Variants in NAGLU observed in about 807,000 individuals in gnomAD.
The protein encoded by NAGLU is alpha-N-acetylglucosaminidase.
Under a neutral mutation model 43.4 loss-of-function variants are expected in NAGLU, and 34 were observed. The ratio of observed to expected loss-of-function variants is 0.78; its 90% CI spans 0.60 to 1.04. The LOEUF is 1.04. Ranked by LOEUF, NAGLU falls within the 50% of genes least tolerant of loss-of-function variation. The probability of loss-of-function intolerance (pLI) is 0.00; values close to 1 mark genes in which losing one functional copy is unlikely to be tolerated. For missense variants in NAGLU, 910 were observed against 993.7 expected, an observed-to-expected ratio of 0.92 and a Z score of 1.13; for synonymous variants, 425 against 437.6, an observed-to-expected ratio of 0.97 and a Z score of 0.36.
At position 42,536,557 on chromosome 17, in the gene NAGLU, C is replaced by G; in HGVS notation, c.285C>G (p.Asp95Glu). The G allele has an allele frequency of 6.8e-7, 1 of 1,477,064 alleles. No homozygotes were observed. Among genetic ancestry groups the G allele is most frequent in the South Asian group, 1.3e-5 (1 of 77,358 alleles). The allele number at this position is 1,477,064 out of a possible 1,614,324, so 91.5% of individuals were successfully genotyped here. The change falls in exon 1 of 6, where the codon GAC (aspartate) becomes GAG (glutamate). Residue 95 changes from aspartate (D) to glutamate (E), a missense_variant. By Grantham distance (45) the Asp-to-Glu change is conservative. Transcript: ENST00000225927. ...CGGGGCTGCACCGCTACCTGCGCGA[C>G]TTCTGTGGCTGCCACGTGGCCTGGT... ...AAAGLHRYLR[D>E]FCGCHVAWSG...
In NAGLU at chr17:42,536,616, C is replaced by T. The variant is rs1379877908; in HGVS notation, c.344C>T (p.Pro115Leu). 1 of 1,496,052 alleles carries T rather than the reference C, an allele frequency of 6.7e-7. No individual in the cohort carries two copies. Among genetic ancestry groups the T allele is most frequent in the South Asian group, 1.3e-5 (1 of 79,774 alleles). The allele number at this position is 1,496,052 out of a possible 1,614,324, so 92.7% of individuals were successfully genotyped here. ...GSQLRLPRPL[P>L]AVPGELTEAT... ...CAGCTGCGCCTGCCGCGGCCACTGCCAGCCGTGCCGGGGGAGCTGACCGAG... is the reference window on the plus strand; with the variant it reads ...CAGCTGCGCCTGCCGCGGCCACTGCTAGCCGTGCCGGGGGAGCTGACCGAG... The change falls in exon 1 of 6, where the codon CCA (proline) becomes CTA (leucine). Residue 115 changes from proline to leucine, a missense_variant. Transcript: ENST00000225927.
intron 4 of NAGLU, among the ~76,000 whole-genome samples, chr17:42,539,079 G>A (rs561628210): frequency 6.7e-4 from 102 of 152,288 alleles, no homozygotes; most frequent in African/African-American, 1.8e-3. Context: ...TCAAGATCAC[G>A]CCATTGCACT....
In NAGLU at chr17:42,543,986, C is replaced by A. The variant is rs981984204; in HGVS notation, c.1980C>A (p.Asn660Lys). 5.0e-6 allele frequency: 8 copies of A among 1,610,938 alleles called. No homozygotes were observed. The highest frequency in any genetic ancestry group is 6.8e-6 in the Non-Finnish European group (8 of 1,178,580). ...AAGGCAACATCCTGGACTATGCCAA[C>A]AAGCAGCTGGCGGGGTTGGTGGCCA... ...GPEGNILDYA[N>K]KQLAGLVANY... The change falls in exon 6 of 6, where the codon AAC (asparagine) becomes AAA (lysine). Residue 660 changes from asparagine to lysine, a missense_variant. Transcript: ENST00000225927.
chr17:42,542,885 ATG>A, intron 5 of NAGLU, 141 bp from the exon 6 acceptor site: 1 of 1,255,910 alleles, frequency 8.0e-7, no homozygotes, highest in Non-Finnish European at 1.1e-6. Context: ...AGGGACGCGT[ATG>A]TGCCACAGAG....
intron 5 of NAGLU, 24 bp from the exon 6 acceptor site, chr17:42,543,004 G>T: frequency 6.3e-7 from 1 of 1,598,836 alleles, no homozygotes; most frequent in Non-Finnish European, 8.5e-7. Flanking sequence ...CCTCTTCTCT[G>T]TTCCCCCTAC....
Position 42,543,805 on chromosome 17 carries a change from A to G in NAGLU, c.1799A>G (p.Tyr600Cys), listed in dbSNP as rs2092929171. The G allele has an allele frequency of 2.5e-6, 4 of 1,607,654 alleles. No homozygotes were observed. The highest frequency in any genetic ancestry group is 3.4e-6 in the Non-Finnish European group (4 of 1,177,724). The part of the protein sequence containing the change: ...SLLRAGGVLA[Y>C]ELLPALDEVL... ...TTGAGGGCTGGAGGCGTCCTGGCCT[A>G]TGAGCTGCTGCCGGCACTGGACGAG... The change falls in exon 6 of 6, where the codon TAT (tyrosine) becomes TGT (cysteine). Residue 600 changes from tyrosine to cysteine, a missense_variant. Tyr to Cys is a radical substitution (Grantham distance 194). Coordinates refer to ENST00000225927, the MANE Select transcript of NAGLU (RefSeq NM_000263.4).
chr17:42,543,985 A>G lies in NAGLU; in HGVS notation c.1979A>G (p.Asn660Ser). 6.2e-7 allele frequency: 1 copy of G among 1,610,982 alleles called. No homozygotes were observed. The highest frequency in any genetic ancestry group is 8.5e-7 in the Non-Finnish European group (1 of 1,178,622). ...GPEGNILDYA[N>S]KQLAGLVANY... ...GAAGGCAACATCCTGGACTATGCCA[A>G]CAAGCAGCTGGCGGGGTTGGTGGCC... The change falls in exon 6 of 6, where the codon AAC (asparagine) becomes AGC (serine). Residue 660 changes from asparagine to serine, a missense_variant. Transcript: ENST00000225927.
chr17:42,538,559 C>T lies in NAGLU; in HGVS notation c.678+74C>T, dbSNP rs991786955. 1.7e-5 allele frequency: 27 copies of T among 1,612,746 alleles called. No homozygotes were observed. The South Asian group carries it at 2.3e-4, about 14-fold the overall frequency. ...GGGCCCAGGAAGGGTGGTATTAGGC[C>T]GGCCCCAGGGCTCTTAACTGAGGCG... On this transcript the variant is annotated intron_variant, in intron 3 of 5. Transcript: ENST00000225927.
chr17:42,537,290 C>T (rs548451529), intron 1 of NAGLU, 108 bp from the exon 2 acceptor site: 1 of 1,558,590 alleles, frequency 6.4e-7, no homozygotes, highest in East Asian at 2.3e-5. Context: ...GCAGAAGGGC[C>T]GAGTTTGGAG....
chr17:42,537,585 G>C lies in NAGLU; in HGVS notation c.531+40G>C. ...TCCCTTCCCCACCCTCCTCTATGGC[G>C]GGAGCCACCGTAGGTGTTTTCACCC... On this transcript the variant is annotated intron_variant, in intron 2 of 5. Coordinates refer to ENST00000225927, the MANE Select transcript of NAGLU (RefSeq NM_000263.4). 3.7e-6 allele frequency: 6 copies of C among 1,609,482 alleles called. No individual in the cohort carries two copies. The African/African-American group carries it at 6.7e-5, about 18-fold the overall frequency.
chr17:42,538,400 T>A lies in NAGLU; in HGVS notation c.593T>A (p.Phe198Tyr), dbSNP rs752264680. 52 of 1,614,118 alleles carry A rather than the reference T, an allele frequency of 3.2e-5. No homozygotes were observed. Among genetic ancestry groups the A allele is most frequent in the Admixed American group, 6.7e-5 (4 of 60,016 alleles). Residue 198 changes from phenylalanine (F) to tyrosine (Y), a missense_variant, in exon 3 of 6, where the codon TTC (phenylalanine) becomes TAC (tyrosine). Transcript: ENST00000225927. ...EINEFFTGPA[F>Y]LAWGRMGNLH... The stretch of plus-strand genomic sequence containing the variant: ...AATGAGTTCTTTACTGGTCCTGCCT[T>A]CCTGGCCTGGGGGCGAATGGGCAAC...
Position 42,543,777 on chromosome 17 carries a change from C to T in NAGLU, c.1771C>T (p.Leu591=), listed in dbSNP as rs749025581. The T allele has an allele frequency of 1.2e-6, 2 of 1,610,102 alleles. No homozygotes were observed. The highest frequency in any genetic ancestry group is 1.7e-6 in the Non-Finnish European group (2 of 1,179,212). ...SAYLSKELAS[L]LRAGGVLAYE... ...CTACCTGAGCAAGGAGCTGGCCTCCCTGTTGAGGGCTGGAGGCGTCCTGGC... is the reference window on the plus strand; with the variant it reads ...CTACCTGAGCAAGGAGCTGGCCTCCTTGTTGAGGGCTGGAGGCGTCCTGGC... Residue 591 remains leucine, a synonymous_variant, in exon 6 of 6, where the codon CTG becomes TTG. Transcript: ENST00000225927.
In NAGLU at chr17:42,544,275, T is replaced by A. The variant is rs1038595199; in HGVS notation, c.*37T>A. The A allele has an allele frequency of 3.4e-5, 55 of 1,602,308 alleles. No homozygotes were observed. Among genetic ancestry groups the A allele is most frequent in the Non-Finnish European group, 4.4e-5 (52 of 1,179,936 alleles). ...CCACTGGGCCTTGTTTTCCGCTAAT[T>A]CCAGGGCAGATTCCAGGGCCCAGAG... On this transcript the variant is annotated 3_prime_UTR_variant, in exon 6 of 6. Transcript: ENST00000225927.
intron 2 of NAGLU, 32 bp from the exon 3 acceptor site, chr17:42,538,307 T>C: frequency 6.2e-7 from 1 of 1,613,900 alleles, no homozygotes; most frequent in Non-Finnish European, 8.5e-7. Flanking sequence ...TGAAGATGAA[T>C]ATATTTCTAT....
chr17:42,541,051 C>G lies in NAGLU; in HGVS notation c.866C>G (p.Pro289Arg). ...CTGGCTCCGGAAGACCCCATATTCC[C>G]CATCATCGGGAGCCTCTTCCTGCGA... is the stretch of plus-strand genomic sequence containing the variant. ...FLLAPEDPIF[P>R]IIGSLFLREL... The change falls in exon 5 of 6, where the codon CCC becomes CGC. Residue 289 changes from proline (P) to arginine (R), a missense_variant. Physicochemically the swap from Pro to Arg is moderately radical, Grantham distance 103. Transcript: ENST00000225927. 6.2e-7 allele frequency: 1 copy of G among 1,614,188 alleles called. No homozygotes were observed. The highest frequency in any genetic ancestry group is 8.5e-7 in the Non-Finnish European group (1 of 1,180,050).
chr17:42,538,787 C>T (rs1393963512), intron 4 of NAGLU, 32 bp downstream of exon 4: 3 of 1,611,030 alleles, frequency 1.9e-6, no homozygotes, highest in Admixed American at 3.3e-5. Flanking sequence ...CCACTTAGCT[C>T]AGAGAGGGAA....
At chr17:42,537,326 G>A (rs761554270) in intron 1 of NAGLU, 72 bp from the exon 2 acceptor site, 1 of 1,608,712 alleles carries the variant, frequency 6.2e-7, no homozygotes, top group Middle Eastern at 1.7e-4. Flanking sequence ...CTAGGTGGGG[G>A]ATGGGGGATT....
rs1038367205 is a variant in NAGLU at position 42,544,091 on chromosome 17, C to G, written c.2085C>G (p.His695Gln). 1.9e-6 allele frequency: 3 copies of G among 1,614,112 alleles called. No individual in the cohort carries two copies. Among genetic ancestry groups the G allele is most frequent in the Non-Finnish European group, 8.5e-7 (1 of 1,180,032 alleles). The change falls in exon 6 of 6, where the codon CAC (histidine) becomes CAG (glutamine). Residue 695 changes from histidine (H) to glutamine (Q), a missense_variant. Transcript: ENST00000225927. Reference protein sequence around the residue: ...SVAQGIPFQQHQFDKNVFQLE... With the variant: ...SVAQGIPFQQQQFDKNVFQLE... ...CCCAGGGCATCCCTTTCCAACAGCA[C>G]CAGTTTGACAAAAATGTCTTCCAAC... is the stretch of plus-strand genomic sequence containing the variant.
At position 42,538,767 on chromosome 17, in the gene NAGLU, C is replaced by T. The variant is rs1002650158; in HGVS notation, c.764+12C>T. 1.2e-6 allele frequency: 2 copies of T among 1,613,658 alleles called. No homozygotes were observed. The highest frequency in any genetic ancestry group is 1.7e-6 in the Non-Finnish European group (2 of 1,179,962). The stretch of plus-strand genomic sequence containing the variant: ...GAGGCTGTCACCAGGTGAGGTTCCG[C>T]TCACCCCCTCCACTTAGCTCAGAGA... On this transcript the variant is annotated intron_variant, in intron 4 of 5. Transcript: ENST00000225927.
Sources: allele counts gnomAD v4.1 joint callset (sites outside exome capture counted in the v4.1 genomes callset), GRCh38; gene constraint gnomAD v4.1.1; transcripts MANE v1.5; gene names NCBI Gene and HGNC (gene_info 2026-07-23, HGNC 2026-07-21).